A2M: variants seen among roughly 807,000 people sequenced by gnomAD.
A2M encodes alpha-2-macroglobulin, also known as C3 and PZP-like alpha-2-macroglobulin domain-containing protein 5.
A2M carries 128 observed loss-of-function variants against 183.9 expected under a neutral mutation model. The observed-to-expected ratio is 0.70, with a 90% CI of 0.60 to 0.81. The LOEUF (loss-of-function observed/expected upper bound fraction) is 0.81, where lower values mean the gene tolerates loss of function less well. Ranked by LOEUF, A2M falls within the 30% of genes least tolerant of loss-of-function variation. A2M has a pLI of 0.00. For synonymous variants in A2M, 592 were observed against 670.8 expected, an observed-to-expected ratio of 0.88 and a Z score of 1.81; for missense variants, 1,495 against 1,787.6, an observed-to-expected ratio of 0.84 and a Z score of 2.95.
chr12:9,087,964 A>AT (rs1227097735), intron 22 of A2M, among the ~76,000 whole-genome samples: 4 of 152,154 alleles, frequency 2.6e-5, no homozygotes, highest in Non-Finnish European at 4.4e-5. Flanking sequence ...GAAAAAACCA[A>AT]TATAGGAAGA....
intron 15 of A2M, among the ~76,000 whole-genome samples, chr12:9,097,632 CTTTTT>C (rs34844537): frequency 4.7e-5 from 6 of 127,106 alleles, no homozygotes; most frequent in Non-Finnish European, 6.6e-5. Context: ...TGATGTAATT[CTTTTT>C]TTTTTTTTTT....
Position 9,072,390 on chromosome 12 carries a change from G to A in A2M, c.4072C>T (p.His1358Tyr). 3 of 1,613,860 alleles carry A rather than the reference G, an allele frequency of 1.9e-6. No individual in the cohort carries two copies. Among genetic ancestry groups the A allele is most frequent in the Non-Finnish European group, 2.5e-6 (3 of 1,179,866 alleles). Residue 1358 changes from histidine to tyrosine, a missense_variant, in exon 31 of 36, where the codon CAC (histidine) becomes TAC (tyrosine). His to Tyr is a moderately conservative substitution (Grantham distance 83). Coordinates refer to ENST00000318602, the MANE Select transcript of A2M (RefSeq NM_000014.6). ...CTTAGGGAGATTTGGAAGCTGGTGT[G>A]GGCTTTGGGTTCATCACAAGTTTGA... ...LPQTCDEPKA[H>Y]TSFQISLSVS...
intron 4 of A2M, 93 bp from the exon 5 acceptor site, chr12:9,110,427 C>A: frequency 1.4e-6 from 1 of 711,322 alleles, no homozygotes; most frequent in Non-Finnish European, 2.2e-6. Flanking sequence ...GCTAGCATAA[C>A]AGGGTGAGTA....
intron 31 of A2M, among the ~76,000 whole-genome samples, chr12:9,072,107 A>G (rs1948596798): frequency 6.6e-6 from 1 of 152,232 alleles, no homozygotes; most frequent in Non-Finnish European, 1.5e-5. Context: ...GGTCAGAGGC[A>G]ATGGGTAATA....
In A2M at chr12:9,079,290, A is replaced by G; in HGVS notation, c.3073T>C (p.Tyr1025His). ...CCATATCGCTCCCCAAAGGTGCTGTAGGAGCCATCATAGTGTTTGTAGTTC... is the reference window on the plus strand; with the variant it reads ...CCATATCGCTCCCCAAAGGTGCTGTGGGAGCCATCATAGTGTTTGTAGTTC... Reference protein sequence around the residue: ...QLNYKHYDGSYSTFGERYGRN... With the variant: ...QLNYKHYDGSHSTFGERYGRN... The change falls in exon 25 of 36, where the codon TAC (tyrosine) becomes CAC (histidine). Residue 1025 changes from tyrosine to histidine, a missense_variant. By Grantham distance (83) the Tyr-to-His change is moderately conservative. Coordinates refer to ENST00000318602, the MANE Select transcript of A2M (RefSeq NM_000014.6). The G allele has an allele frequency of 6.2e-7, 1 of 1,613,786 alleles. No homozygotes were observed. The highest frequency in any genetic ancestry group is 8.5e-7 in the Non-Finnish European group (1 of 1,179,790).
chr12:9,110,151 G>T (rs1938616491), intron 5 of A2M, 116 bp from the exon 6 acceptor site: 2 of 1,226,690 alleles, frequency 1.6e-6, no homozygotes, highest in South Asian at 1.5e-5. Flanking sequence ...TAGTAGTAAA[G>T]GGTGAGTAGA....
At position 9,076,956 on chromosome 12, in the gene A2M, A is replaced by C. The variant is rs1948766239; in HGVS notation, c.3352-20T>G. The C allele has an allele frequency of 6.4e-7, 1 of 1,556,868 alleles. No homozygotes were observed. Among genetic ancestry groups the C allele is most frequent in the African/African-American group, 1.4e-5 (1 of 73,536 alleles). On this transcript the variant is annotated intron_variant, in intron 27 of 35. Coordinates refer to ENST00000318602, the MANE Select transcript of A2M (RefSeq NM_000014.6). ...AGGGTGCTGTGAAGGCAGAACAAGA[A>C]GGGAACTAAGCTATGTAAACAGGCA... is the stretch of plus-strand genomic sequence containing the variant.
intron 22 of A2M, among the ~76,000 whole-genome samples, chr12:9,088,255 G>T (rs1373963476): frequency 6.8e-6 from 1 of 148,072 alleles, no homozygotes; most frequent in Non-Finnish European, 1.5e-5. Context: ...GTGATGTTCT[G>T]TTTTTTTTTT....
chr12:9,101,715 T>C (rs779015028), intron 11 of A2M, 41 bp from the exon 12 acceptor site: 17 of 1,442,932 alleles, frequency 1.2e-5, no homozygotes, highest in Non-Finnish European at 1.1e-5. Context: ...AGATTATACG[T>C]CATAAAGATT....
intron 22 of A2M, among the ~76,000 whole-genome samples, chr12:9,082,903 A>G (rs1361250203): frequency 1.3e-5 from 2 of 152,246 alleles, no homozygotes; most frequent in African/African-American, 2.4e-5. Context: ...TCTTTATAGC[A>G]GCATGATTTA....
chr12:9,080,908 G>A (rs1376007575), intron 22 of A2M, among the ~76,000 whole-genome samples: 3 of 151,856 alleles, frequency 2.0e-5, no homozygotes, highest in Non-Finnish European at 4.4e-5. Flanking sequence ...AGGACAAATG[G>A]CTAAGCAAAA....
Position 9,112,168 on chromosome 12 carries a change from C to A in A2M, c.474G>T (p.Leu158=), listed in dbSNP as rs1210913766. 1.9e-6 allele frequency: 3 copies of A among 1,613,720 alleles called. No individual in the cohort carries two copies. The highest frequency in any genetic ancestry group is 4.5e-5 in the East Asian group (2 of 44,880). ...VVSMDENFHP[L]NELIPLVYIQ... is the part of the protein sequence containing the mutation. ...ATAATAGAAAACTCACCAACTCATT[C>A]AGGGGGTGAAAGTTTTCATCCATGG... The change falls in exon 4 of 36, where the codon CTG becomes CTT. Residue 158 remains leucine, a synonymous_variant. Coordinates refer to ENST00000318602, the MANE Select transcript of A2M (RefSeq NM_000014.6).
At chr12:9,082,008 A>G (rs1005034872) in intron 22 of A2M, among the ~76,000 whole-genome samples, 1 of 152,222 alleles carries the variant, frequency 6.6e-6, no homozygotes, top group African/African-American at 2.4e-5. Flanking sequence ...CCAGATGGCC[A>G]GTCTGTAAGC....
intron 11 of A2M, among the ~76,000 whole-genome samples, chr12:9,103,465 G>T (rs1244206984): frequency 6.6e-6 from 1 of 152,060 alleles, no homozygotes; most frequent in Non-Finnish European, 1.5e-5. Context: ...TTATTCTTTA[G>T]TGTACAGTTT....
At chr12:9,070,600 G>A in intron 31 of A2M, 22 bp from the exon 32 acceptor site, 1 of 1,553,258 alleles carries the variant, frequency 6.4e-7, no homozygotes, top group Non-Finnish European at 8.9e-7. Flanking sequence ...GGGGAGGAAA[G>A]GATTAGGGTT....
chr12:9,098,646 C>T lies in A2M; in HGVS notation c.1812G>A (p.Val604=). 1 of 1,609,186 alleles carries T rather than the reference C, an allele frequency of 6.2e-7. No homozygotes were observed. The highest frequency in any genetic ancestry group is 1.1e-5 in the South Asian group (1 of 89,560). ...GCTCAGCATCAGGCTTCATGAGCAG[C>T]ACGCTTTGGTCCACAGCACGGAGGG... ...VCALRAVDQS[V]LLMKPDAELS... The change falls in exon 15 of 36, where the codon GTG becomes GTA. Residue 604 remains valine (V), a synonymous_variant. Transcript: ENST00000318602.
intron 18 of A2M, 55 bp downstream of exon 18, chr12:9,093,410 G>A: frequency 8.0e-7 from 1 of 1,244,388 alleles, no homozygotes; most frequent in South Asian, 1.2e-5. Flanking sequence ...GCAAAGAGTT[G>A]AAAATAGTCA....
chr12:9,084,869 C>G (rs1309856845), intron 22 of A2M, among the ~76,000 whole-genome samples: 1 of 151,922 alleles, frequency 6.6e-6, no homozygotes, highest in African/African-American at 2.4e-5. Context: ...TAAAAGAGAG[C>G]AGGGGTAGCT....
chr12:9,079,451 A>C, intron 24 of A2M, 120 bp from the exon 25 acceptor site: 1 of 1,196,118 alleles, frequency 8.4e-7, no homozygotes, highest in Non-Finnish European at 1.2e-6. Context: ...GTCATAGATT[A>C]GGAGTTTCTG....
Sources: gnomAD v4.1 joint callset for allele counts (sites outside exome capture counted in the v4.1 genomes callset) on GRCh38, gnomAD v4.1.1 for gene constraint, MANE v1.5 for transcripts, NCBI Gene and HGNC (gene_info 2026-07-23, HGNC 2026-07-21) for gene names.